Variants in SLC25A33 observed in about 807,000 individuals in gnomAD.
The protein encoded by SLC25A33 is solute carrier family 25 member 33, also known as bone marrow stromal cell mitochondrial carrier protein.
In SLC25A33, 15 loss-of-function variants were observed where a neutral mutation model predicts 35.5. The observed-to-expected ratio is 0.42, with a 90% CI of 0.28 to 0.65. The LOEUF (loss-of-function observed/expected upper bound fraction) is 0.65. Ranked by LOEUF, SLC25A33 falls within the 30% of genes least tolerant of loss-of-function variation. The probability of loss-of-function intolerance (pLI) is 0.20; values close to 1 mark genes in which losing one functional copy is unlikely to be tolerated. For synonymous variants in SLC25A33, 136 were observed against 148.7 expected (o/e 0.91, Z 0.62); for missense variants, 257 against 398.5 (o/e 0.64, Z 3.02).
intron 1 of SLC25A33, among the ~76,000 whole-genome samples, chr1:9,542,152 T>G (rs2100364410): frequency 6.6e-6 from 1 of 152,308 alleles, no homozygotes; most frequent in African/African-American, 2.4e-5. Flanking sequence ...AGTTGCATGC[T>G]GGAGCAGCCT....
chr1:9,560,518 C>T (rs139350515), intron 2 of SLC25A33, among the ~76,000 whole-genome samples: 3,601 of 151,986 alleles, frequency 0.024, 134 homozygotes, highest in African/African-American at 0.078. Context: ...GAGCCGAGAT[C>T]GTGCCACTGC....
At chr1:9,577,461 T>C (rs1026824675) in intron 5 of SLC25A33, among the ~76,000 whole-genome samples, 2 of 151,570 alleles carry the variant, frequency 1.3e-5, no homozygotes, top group African/African-American at 2.4e-5. Flanking sequence ...GGGGACAGAG[T>C]GAGTAAGACT....
chr1:9,574,322 C>T (rs1300730443), intron 5 of SLC25A33, among the ~76,000 whole-genome samples: 2 of 152,134 alleles, frequency 1.3e-5, no homozygotes, highest in Non-Finnish European at 2.9e-5. Context: ...AACTCCTGGG[C>T]TCAAGCAGTC....
intron 1 of SLC25A33, among the ~76,000 whole-genome samples, chr1:9,550,312 T>C (rs978072597): frequency 6.6e-6 from 1 of 151,918 alleles, no homozygotes; most frequent in Non-Finnish European, 1.5e-5. Flanking sequence ...TTTGCTTTTT[T>C]GGACGAACAC....
At chr1:9,564,682 T>G (rs974488986) in intron 2 of SLC25A33, among the ~76,000 whole-genome samples, 54 of 146,046 alleles carry the variant, frequency 3.7e-4, no homozygotes, top group South Asian at 2.4e-3. Flanking sequence ...AGGCCAGAAG[T>G]TCGAGACCAG....
At chr1:9,559,584 T>C (rs1248638402) in intron 2 of SLC25A33, among the ~76,000 whole-genome samples, 1 of 152,122 alleles carries the variant, frequency 6.6e-6, no homozygotes, top group African/African-American at 2.4e-5. Context: ...AATTCTCATG[T>C]GAAGAAAGCA....
At chr1:9,564,333 G>A (rs1643468956) in intron 2 of SLC25A33, among the ~76,000 whole-genome samples, 1 of 152,126 alleles carries the variant, frequency 6.6e-6, no homozygotes, top group Admixed American at 6.6e-5. Context: ...GGGAATGTAA[G>A]GTGGTGTAAC....
Position 9,539,475 on chromosome 1 carries a change from C to T in SLC25A33, c.-217C>T, listed in dbSNP as rs922709979. The stretch of plus-strand genomic sequence containing the variant: ...CGCGCGCCGGGCTCTAGCTCCCCGC[C>T]GGGCTCGCGCCGCAGAGGCCGGTGA... On this transcript the variant is annotated 5_prime_UTR_variant, in exon 1 of 7. Coordinates refer to ENST00000302692, the MANE Select transcript of SLC25A33 (RefSeq NM_032315.3). The T allele has an allele frequency of 5.3e-6, 1 of 187,882 alleles. No individual in the cohort carries two copies. Among genetic ancestry groups the T allele is most frequent in the Non-Finnish European group, 1.1e-5 (1 of 93,606 alleles). The allele number at this position is 187,882 out of a possible 1,614,324, so 11.6% of individuals were successfully genotyped here.
chr1:9,578,466 T>C lies in SLC25A33; in HGVS notation c.483-1488T>C, dbSNP rs1041356016. ...CAGCCAGGCAGTTCATAAATGCTTT[T>C]TGTCCTGGGGTAGGAGCCTCTAAAC... On this transcript the variant is annotated intron_variant, in intron 5 of 6. Transcript: ENST00000302692. This position sits in a 1 kb window ranked among gnomAD's most constrained non-coding sequence, Gnocchi z 4.3. Among the ~76,000 whole-genome samples the C allele has an allele frequency of 5.9e-5, 9 of 152,228 alleles. No homozygotes were observed. The highest frequency in any genetic ancestry group is 2.2e-4 in the African/African-American group (9 of 41,458).
In SLC25A33 at chr1:9,582,490, C is replaced by G; in HGVS notation, c.955C>G (p.Arg319Gly). ...YELIVYLLEDRTQ is the reference protein window; with the variant it reads ...YELIVYLLEDGTQ ...GTTAATTGTGTACCTGTTAGAAGAC[C>G]GTACTCAGTAACAGGCCGGAAAATT... Residue 319 changes from arginine to glycine, a missense_variant, in exon 7 of 7, where the codon CGT becomes GGT. Physicochemically the swap from Arg to Gly is moderately radical, Grantham distance 125. Coordinates refer to ENST00000302692, the MANE Select transcript of SLC25A33 (RefSeq NM_032315.3). The surrounding 1 kb of genome is among the most constrained non-coding windows in gnomAD (Gnocchi z 4.0). 6.2e-7 allele frequency: 1 copy of G among 1,612,204 alleles called. No individual in the cohort carries two copies.
chr1:9,539,985 C>T (rs1453819750), intron 1 of SLC25A33, among the ~76,000 whole-genome samples: 1 of 152,174 alleles, frequency 6.6e-6, no homozygotes, highest in Non-Finnish European at 1.5e-5. Flanking sequence ...CCCCGCCGCC[C>T]GTCCTCCCCG....
At position 9,539,526 on chromosome 1, in the gene SLC25A33, G is replaced by C. The variant is rs1009914944; in HGVS notation, c.-166G>C. 1.1e-4 allele frequency: 37 copies of C among 336,430 alleles called. No individual in the cohort carries two copies. Among genetic ancestry groups the C allele is most frequent in the Non-Finnish European group, 1.7e-4 (35 of 209,512 alleles). 20.8% of individuals were successfully genotyped at this position (336,430 alleles called of 1,614,324 possible). On this transcript the variant is annotated 5_prime_UTR_variant, in exon 1 of 7. Coordinates refer to ENST00000302692, the MANE Select transcript of SLC25A33 (RefSeq NM_032315.3). The stretch of plus-strand genomic sequence containing the variant: ...GGCGCCGGCGGCCACGCCGCGGAAG[G>C]CGCGGGCCGAGCAGAGCCGGGCGTT...
intron 2 of SLC25A33, among the ~76,000 whole-genome samples, chr1:9,566,127 C>T (rs973438739): frequency 1.4e-4 from 22 of 152,008 alleles, no homozygotes; most frequent in African/African-American, 5.1e-4. Flanking sequence ...GCAGCCTTGA[C>T]CTCCCAGGCT....
intron 5 of SLC25A33, 83 bp downstream of exon 5, chr1:9,573,495 A>G (rs906772991): frequency 8.8e-7 from 1 of 1,142,718 alleles, no homozygotes; most frequent in Non-Finnish European, 1.3e-6. Context: ...ATCTCTAAGG[A>G]TGAGATATAG....
In SLC25A33 at chr1:9,580,035, A is replaced by G. The variant is rs186512306; in HGVS notation, c.564A>G (p.Arg188=). 1.2e-4 allele frequency: 196 copies of G among 1,612,944 alleles called. 1 individual carries two copies. The East Asian group carries it at 4.2e-3, about 35-fold the overall frequency. The change falls in exon 6 of 7, where the codon AGA becomes AGG. Residue 188 remains arginine, a synonymous_variant. Transcript: ENST00000302692. ...YQTEGIRGFY[R]GLTASYAGIS... ...CCGAAGGCATTCGTGGCTTCTATAGAGGATTAACTGCCTCGTATGCTGGAA... is the reference window on the plus strand; with the variant it reads ...CCGAAGGCATTCGTGGCTTCTATAGGGGATTAACTGCCTCGTATGCTGGAA...
intron 1 of SLC25A33, among the ~76,000 whole-genome samples, chr1:9,542,978 C>T (rs183257474): frequency 7.9e-5 from 12 of 152,070 alleles, no homozygotes; most frequent in East Asian, 5.8e-4. Flanking sequence ...CCACCATGCC[C>T]GGCTAATTTT....
chr1:9,575,769 A>G (rs1643654763), intron 5 of SLC25A33, among the ~76,000 whole-genome samples: 1 of 152,186 alleles, frequency 6.6e-6, no homozygotes, highest in Non-Finnish European at 1.5e-5. Flanking sequence ...TGCCCAAAAG[A>G]GCCTTCTAAC....
intron 1 of SLC25A33, among the ~76,000 whole-genome samples, chr1:9,542,548 A>G (rs918389251): frequency 1.3e-5 from 2 of 152,174 alleles, no homozygotes; most frequent in African/African-American, 2.4e-5. Flanking sequence ...GCTGTATTGT[A>G]TGGTTAAAAT....
Position 9,542,979 on chromosome 1 carries a change from G to A in SLC25A33, c.56+3232G>A, listed in dbSNP as rs546700913. Among the ~76,000 whole-genome samples, 28 of 152,016 alleles carry A rather than the reference G, an allele frequency of 1.8e-4. No homozygotes were observed. In the South Asian group the frequency reaches 5.0e-3, roughly 27 times the overall value. ...ATTACAGGCATGTGCCACCATGCCC[G>A]GCTAATTTTTGTATTTTTAGTAGAG... On this transcript the variant is annotated intron_variant, in intron 1 of 6. Coordinates refer to ENST00000302692, the MANE Select transcript of SLC25A33 (RefSeq NM_032315.3).
Sources: allele counts gnomAD v4.1 joint callset (sites outside exome capture counted in the v4.1 genomes callset), GRCh38; gene constraint gnomAD v4.1.1; non-coding constraint Gnocchi (gnomAD v3.1); transcripts MANE v1.5; gene names NCBI Gene and HGNC (gene_info 2026-07-23, HGNC 2026-07-21).